The following FAM184A variants were observed in gnomAD, a reference collection of about 807,000 sequenced individuals.
FAM184A encodes the protein protein FAM184A.
FAM184A carries 99 observed loss-of-function variants against 143.8 expected under a neutral mutation model. The observed-to-expected ratio is 0.69, with a 90% CI of 0.58 to 0.81. The LOEUF (loss-of-function observed/expected upper bound fraction) is 0.81. FAM184A is among the 40% of genes least tolerant of loss of function. The pLI is 0.00. For synonymous variants in FAM184A, 427 were observed against 446.4 expected, an observed-to-expected ratio of 0.96 and a Z score of 0.55; for missense variants, 1,217 against 1,310.5, an observed-to-expected ratio of 0.93 and a Z score of 1.10.
Position 119,003,489 on chromosome 6 carries a change from T to C in FAM184A, c.1937+12A>G. The C allele has an allele frequency of 6.2e-7, 1 of 1,609,684 alleles. No homozygotes were observed. Among genetic ancestry groups the C allele is most frequent in the Non-Finnish European group, 8.5e-7 (1 of 1,178,254 alleles). ...TGTCTTTATTGATAAGATTACAGAA[T>C]AAAAAATGTACCTAAGATTTTCAGT... On this transcript the variant is annotated intron_variant, in intron 8 of 17. Transcript: ENST00000338891.
chr6:119,020,346 CTAGAA>C (rs1785400673), intron 3 of FAM184A, among the ~76,000 whole-genome samples, 187 bp from the exon 4 acceptor site: 1 of 152,158 alleles, frequency 6.6e-6, no homozygotes, highest in Admixed American at 6.5e-5. Context: ...TCTTAGCGCA[CTAGAA>C]TAATTTAAAT....
Position 119,054,019 on chromosome 6 carries a change from T to C in FAM184A, c.159+24122A>G, listed in dbSNP as rs181735360. Among the ~76,000 whole-genome samples the C allele has an allele frequency of 3.0e-4, 45 of 152,256 alleles. No individual in the cohort carries two copies. In the East Asian group the frequency reaches 4.8e-3, roughly 16 times the overall value. On this transcript the variant is annotated intron_variant, in intron 1 of 17. Coordinates refer to ENST00000338891, the MANE Select transcript of FAM184A (RefSeq NM_024581.6). ...AAATCTCAGTGCCATAATAAAAGGA[T>C]ATGAAGTTAATGTAATGAAGTTTTA...
chr6:118,969,392 A>C (rs1276756762), intron 14 of FAM184A, among the ~76,000 whole-genome samples: 1 of 152,360 alleles, frequency 6.6e-6, no homozygotes, highest in Admixed American at 6.5e-5. Context: ...AAATAGAAAA[A>C]ACATAATCCA....
chr6:119,079,368 A>G (rs1290292296), upstream of FAM184A, among the ~76,000 whole-genome samples: 1 of 152,164 alleles, frequency 6.6e-6, no homozygotes, highest in African/African-American at 2.4e-5. Context: ...AATAAGTAAG[A>G]ATAGGATCGG....
Position 119,019,982 on chromosome 6 carries a change from T to C in FAM184A, c.1328A>G (p.Glu443Gly). ...GGAGTGTCCATTACTTTTTACCTTC[T>C]CCAGTTCTAGAATCTGTTGCTTCTG... ...EEQKQQILEL[E>G]KKVNEAKRTQ... Residue 443 changes from glutamate to glycine, a missense_variant, in exon 4 of 18, where the codon GAG (glutamate) becomes GGG (glycine). Transcript: ENST00000338891. 1 of 1,563,900 alleles carries C rather than the reference T, an allele frequency of 6.4e-7. No homozygotes were observed. Among genetic ancestry groups the C allele is most frequent in the Non-Finnish European group, 8.6e-7 (1 of 1,161,268 alleles).
intron 1 of FAM184A, among the ~76,000 whole-genome samples, chr6:119,027,284 C>T (rs1035351679): frequency 2.0e-5 from 3 of 152,166 alleles, no homozygotes; most frequent in Admixed American, 1.3e-4. Flanking sequence ...AACCACCTTG[C>T]GCATATGTTC....
chr6:119,026,884 T>C (rs1785652693), intron 1 of FAM184A, among the ~76,000 whole-genome samples: 1 of 152,136 alleles, frequency 6.6e-6, no homozygotes, highest in African/African-American at 2.4e-5. Context: ...GTAAAGTAAA[T>C]TTGCATTCTG....
At chr6:119,058,138 T>C (rs1449518292) in intron 1 of FAM184A, among the ~76,000 whole-genome samples, 2 of 148,872 alleles carry the variant, frequency 1.3e-5, no homozygotes, top group Non-Finnish European at 3.0e-5. Context: ...GACCTGCCAC[T>C]CTCTCATCAA....
At chr6:119,053,349 G>C (rs1019806294) in intron 1 of FAM184A, among the ~76,000 whole-genome samples, 1 of 152,118 alleles carries the variant, frequency 6.6e-6, no homozygotes, top group African/African-American at 2.4e-5. Context: ...CCCAGACAGT[G>C]ACCTGCTATT....
At chr6:119,133,150 G>C (rs899285264) in intron 1 of FAM184A, among the ~76,000 whole-genome samples, 1 of 152,150 alleles carries the variant, frequency 6.6e-6, no homozygotes, top group African/African-American at 2.4e-5. Context: ...GTCTTAGGAG[G>C]AACCATGTGT....
chr6:119,082,260 C>G (rs1788095013), upstream of FAM184A, among the ~76,000 whole-genome samples: 1 of 152,316 alleles, frequency 6.6e-6, no homozygotes, highest in South Asian at 2.1e-4. Context: ...GATTTCAATT[C>G]AATATGAGAT....
At chr6:118,981,649 A>C (rs1784028302) in intron 9 of FAM184A, among the ~76,000 whole-genome samples, 2 of 152,218 alleles carry the variant, frequency 1.3e-5, no homozygotes, top group African/African-American at 4.8e-5. Flanking sequence ...GTCGAAAGCA[A>C]GCCACCATAT....
chr6:119,115,970 A>AACACACACACACACAC (rs66707302), intron 1 of FAM184A, among the ~76,000 whole-genome samples: 4,336 of 137,302 alleles, frequency 0.032, 117 homozygotes, highest in Non-Finnish European at 0.047. Context: ...CTCCGTCTCA[A>AACACACACACACACAC]ACACACACAC....
At chr6:118,994,109 T>C (rs1375545549) in intron 9 of FAM184A, among the ~76,000 whole-genome samples, 1 of 152,110 alleles carries the variant, frequency 6.6e-6, no homozygotes, top group Non-Finnish European at 1.5e-5. Flanking sequence ...AGAGACGCCT[T>C]CCCCAAGTTA....
intron 6 of FAM184A, among the ~76,000 whole-genome samples, chr6:119,008,779 A>G (rs72953011): frequency 0.036 from 5,497 of 152,246 alleles, 176 homozygotes; most frequent in Non-Finnish European, 0.048. Context: ...TTTTTTATAA[A>G]TTACAAATAT....
At chr6:119,105,084 T>G (rs1319777478) in intron 1 of FAM184A, among the ~76,000 whole-genome samples, 1 of 152,202 alleles carries the variant, frequency 6.6e-6, no homozygotes, top group Non-Finnish European at 1.5e-5. Flanking sequence ...TGTAATATGG[T>G]ATCCTATATG....
At chr6:119,000,114 C>T (rs995843344) in intron 9 of FAM184A, among the ~76,000 whole-genome samples, 1 of 152,102 alleles carries the variant, frequency 6.6e-6, no homozygotes, top group African/African-American at 2.4e-5. Context: ...GTGCATCTCC[C>T]TTAATTTTTC....
intron 16 of FAM184A, chr6:118,962,354 A>C (rs1783359008): frequency 1.8e-5 from 3 of 169,286 alleles, no homozygotes; most frequent in Non-Finnish European, 3.8e-5. Context: ...AATTAGGAGA[A>C]GGGGTAAAGT....
intron 1 of FAM184A, among the ~76,000 whole-genome samples, chr6:119,070,237 A>G (rs907675264): frequency 6.6e-6 from 1 of 152,158 alleles, no homozygotes; most frequent in Admixed American, 6.5e-5. Flanking sequence ...TTCTCGTTGA[A>G]GTTTTGGTAG....
Sources: allele counts gnomAD v4.1 joint callset (sites outside exome capture counted in the v4.1 genomes callset), GRCh38; gene constraint gnomAD v4.1.1; transcripts MANE v1.5; gene names NCBI Gene and HGNC (gene_info 2026-07-23, HGNC 2026-07-21).